Variants in STK32C observed in about 807,000 individuals in gnomAD.
STK32C encodes serine/threonine kinase 32C.
STK32C carries 31 observed loss-of-function variants against 56.5 expected under a neutral mutation model. That is an observed-to-expected ratio of 0.55 (90% confidence interval 0.41 to 0.74). The LOEUF (loss-of-function observed/expected upper bound fraction) is 0.74, where lower values mean the gene tolerates loss of function less well. Among genes scored for constraint, STK32C ranks in the 30% least tolerant of loss-of-function variants. STK32C has a pLI of 0.00. For synonymous variants in STK32C, 309 were observed against 289.4 expected (o/e 1.07, Z -0.69); for missense variants, 544 against 676.9 (o/e 0.80, Z 2.18).
intron 10 of STK32C, chr10:132,209,482 T>G: frequency 2.6e-6 from 1 of 389,252 alleles, no homozygotes; most frequent in Non-Finnish European, 5.0e-6. Context: ...CACACACACC[T>G]GTCCCAGGCC....
intron 1 of STK32C, among the ~76,000 whole-genome samples, chr10:132,305,436 GT>G (rs1367617702): frequency 6.6e-5 from 10 of 152,294 alleles, no homozygotes; most frequent in Admixed American, 4.6e-4. Context: ...TTAATTAGGT[GT>G]TTTAATCTAA....
chr10:132,331,920 C>A (rs2066780394), upstream of STK32C: 2 of 705,028 alleles, frequency 2.8e-6, no homozygotes, highest in Non-Finnish European at 4.3e-6. Flanking sequence ...ACCACAACCC[C>A]CCCACCGCAA....
chr10:132,225,776 T>A lies in STK32C; in HGVS notation c.653A>T (p.Lys218Met). 6.2e-7 allele frequency: 1 copy of A among 1,614,146 alleles called. No homozygotes were observed. The highest frequency in any genetic ancestry group is 8.5e-7 in the Non-Finnish European group (1 of 1,180,010). ...RGQHIIHRDVKPDNILLDERG... is the reference protein window; with the variant it reads ...RGQHIIHRDVMPDNILLDERG... ...CTCATCCAGGAGAATGTTGTCAGGC[T>A]TGACATCTCTAGAAAGAGCAGAAAG... The change falls in exon 5 of 12, where the codon AAG becomes ATG. Residue 218 changes from lysine to methionine, a missense_variant. By Grantham distance (95) the Lys-to-Met change is moderately conservative (BLOSUM62 -1). This residue lies in a region of STK32C where 85 missense variants were observed against 149.9 expected (regional missense o/e 0.57). Transcript: ENST00000298630.
intron 1 of STK32C, among the ~76,000 whole-genome samples, chr10:132,256,841 CG>C (rs1169247752): frequency 2.6e-5 from 4 of 152,218 alleles, no homozygotes; most frequent in Non-Finnish European, 5.9e-5. Flanking sequence ...TTGGGGACCC[CG>C]GAGCTGCAAT....
intron 1 of STK32C, among the ~76,000 whole-genome samples, chr10:132,301,333 G>C (rs1311215280): frequency 6.6e-6 from 1 of 152,228 alleles, no homozygotes; most frequent in Non-Finnish European, 1.5e-5. Flanking sequence ...AAGAGACAGG[G>C]TCAGGGCCAC....
chr10:132,317,933 A>G (rs960230515), intron 1 of STK32C, among the ~76,000 whole-genome samples: 15 of 146,324 alleles, frequency 1.0e-4, no homozygotes, highest in African/African-American at 3.6e-4. Flanking sequence ...AACCGAGATC[A>G]CACCAAGGCA....
chr10:132,265,688 C>T (rs901953368), intron 1 of STK32C, among the ~76,000 whole-genome samples: 8 of 152,338 alleles, frequency 5.3e-5, no homozygotes, highest in African/African-American at 1.4e-4. Flanking sequence ...TGGCAAGCAG[C>T]ACATTAAAGA....
chr10:132,237,567 C>A (rs900728908), intron 2 of STK32C, among the ~76,000 whole-genome samples: 1 of 152,256 alleles, frequency 6.6e-6, no homozygotes, highest in Non-Finnish European at 1.5e-5. Context: ...GAGGTCCCCA[C>A]GCAGGGTTTC....
At position 132,225,241 on chromosome 10, in the gene STK32C, G is replaced by A. The variant is rs370764886; in HGVS notation, c.868C>T (p.Arg290Ter). The A allele has an allele frequency of 1.1e-5, 17 of 1,609,334 alleles. No homozygotes were observed. The highest frequency in any genetic ancestry group is 2.2e-5 in the East Asian group (1 of 44,724). Residue 290 changes from arginine to a stop codon, truncating the protein, a stop_gained, in exon 7 of 12, where the codon CGA becomes TGA. Transcript: ENST00000298630. LOFTEE classifies it high-confidence loss of function. ...SVGVMAYELL[R>*]GWRPYDIHSS... ...CTGCAGGGGGTCCATACCCATCCTCGCAGCAGCTCATAGGCCATCACCCCC... is the reference window on the plus strand; with the variant it reads ...CTGCAGGGGGTCCATACCCATCCTCACAGCAGCTCATAGGCCATCACCCCC...
At chr10:132,311,416 C>T (rs565304130), upstream of STK32C, among the ~76,000 whole-genome samples, 3 of 152,340 alleles carry the variant, frequency 2.0e-5, no homozygotes, top group African/African-American at 4.8e-5. The surrounding 1 kb of genome is among the most constrained non-coding windows in gnomAD (Gnocchi z 4.4). Context: ...GACAGATGGC[C>T]GTGGCGCCCT....
At chr10:132,211,332 G>C (rs998725468) in intron 10 of STK32C, among the ~76,000 whole-genome samples, 1 of 152,202 alleles carries the variant, frequency 6.6e-6, no homozygotes, top group African/African-American at 2.4e-5. Flanking sequence ...GGGAGGGGCT[G>C]GGGTGGGCGC....
At chr10:132,230,722 G>A (rs1444382994) in intron 2 of STK32C, among the ~76,000 whole-genome samples, 2 of 147,306 alleles carry the variant, frequency 1.4e-5, no homozygotes, top group East Asian at 4.1e-4. Flanking sequence ...CTGGAGCGGC[G>A]CCAGCACCCG....
intron 1 of STK32C, among the ~76,000 whole-genome samples, chr10:132,252,225 C>T (rs545154126): frequency 1.3e-5 from 2 of 152,260 alleles, no homozygotes; most frequent in South Asian, 4.1e-4. Flanking sequence ...AGGAGGGAGA[C>T]AACCTCCTGG....
At chr10:132,257,203 G>A (rs1390450453) in intron 1 of STK32C, among the ~76,000 whole-genome samples, 1 of 152,156 alleles carries the variant, frequency 6.6e-6, no homozygotes, top group Non-Finnish European at 1.5e-5. Context: ...CCAGAGGTCA[G>A]TGTGTTCAGA....
intron 1 of STK32C, among the ~76,000 whole-genome samples, chr10:132,263,487 AC>A (rs1189071920): frequency 6.6e-6 from 1 of 152,138 alleles, no homozygotes; most frequent in African/African-American, 2.4e-5. Context: ...GCCACTGGGT[AC>A]TATGCTCAGT....
intron 10 of STK32C, among the ~76,000 whole-genome samples, chr10:132,221,242 A>T (rs1169782743): frequency 2.7e-5 from 4 of 150,524 alleles, no homozygotes; most frequent in Non-Finnish European, 5.9e-5. Context: ...GGCTAGTCTG[A>T]GGGCTTCACG....
rs140825651 is a variant in STK32C, at chr10:132,263,963, G to A, written c.263-18008C>T. Among the ~76,000 whole-genome samples the A allele has an allele frequency of 2.5e-4, 38 of 152,088 alleles. No individual in the cohort carries two copies. The East Asian group carries it at 6.0e-3, about 24-fold the overall frequency. ...GGAAGGACCCTGACAGAAACATAGC[G>A]CCAGGTGAAGGCAGCCAGAGACAAG... is the stretch of plus-strand genomic sequence containing the variant. On this transcript the variant is annotated intron_variant, in intron 1 of 11. Coordinates refer to ENST00000298630, the MANE Select transcript of STK32C (RefSeq NM_173575.4).
chr10:132,298,578 C>G (rs2065823420), intron 1 of STK32C, among the ~76,000 whole-genome samples: 1 of 151,894 alleles, frequency 6.6e-6, no homozygotes, highest in Non-Finnish European at 1.5e-5. Context: ...TGGCTTCTCG[C>G]TCCTGCTCAG....
intron 1 of STK32C, among the ~76,000 whole-genome samples, chr10:132,304,599 T>C (rs763348549): frequency 6.6e-6 from 1 of 152,234 alleles, no homozygotes; most frequent in Non-Finnish European, 1.5e-5. Flanking sequence ...TGGGACTGTA[T>C]TTCCAGAAAA....
Sources: gnomAD v4.1 joint callset for allele counts (sites outside exome capture counted in the v4.1 genomes callset) on GRCh38, gnomAD v4.1.1 for gene constraint, gnomAD v4.1.1 regional missense constraint, Gnocchi (gnomAD v3.1) non-coding constraint, MANE v1.5 for transcripts, NCBI Gene and HGNC (gene_info 2026-07-23, HGNC 2026-07-21) for gene names.